SLC7A10: variants seen among roughly 807,000 people sequenced by gnomAD.
SLC7A10 encodes the protein solute carrier family 7 member 10.
SLC7A10 carries 30 observed loss-of-function variants against 52.7 expected under a neutral mutation model. That is an observed-to-expected ratio of 0.57 (90% CI 0.43 to 0.77). The LOEUF (loss-of-function observed/expected upper bound fraction) is 0.77. Ranked by LOEUF, SLC7A10 falls within the 30% of genes least tolerant of loss-of-function variation. The pLI, the probability that SLC7A10 is intolerant of heterozygous loss-of-function variation, is 0.00. For missense variants in SLC7A10, 581 were observed against 698.5 expected, an observed-to-expected ratio of 0.83 and a Z score of 1.90; for synonymous variants, 318 against 314.9, an observed-to-expected ratio of 1.01 and a Z score of -0.10.
chr19:33,219,481 C>T (rs1974768551), intron 1 of SLC7A10, among the ~76,000 whole-genome samples: 1 of 152,150 alleles, frequency 6.6e-6, no homozygotes, highest in African/African-American at 2.4e-5. Context: ...GGGGAGGGGG[C>T]AGGGAGGGCC....
intron 5 of SLC7A10, 89 bp from the exon 6 acceptor site, chr19:33,211,626 A>G (rs1450374083): frequency 6.2e-6 from 10 of 1,604,934 alleles, no homozygotes; most frequent in Non-Finnish European, 8.5e-6. Flanking sequence ...CATAGTCTCC[A>G]TCTCTTGTGT....
At chr19:33,209,696 C>G (rs1471096296) in intron 9 of SLC7A10, among the ~76,000 whole-genome samples, 1 of 121,210 alleles carries the variant, frequency 8.3e-6, no homozygotes, top group African/African-American at 3.1e-5. Context: ...GAGGATTTTT[C>G]AAAGTCTCAG....
At chr19:33,212,805 G>A (rs369246352) in intron 3 of SLC7A10, 46 bp downstream of exon 3, 569 of 1,609,094 alleles carry the variant, frequency 3.5e-4, no homozygotes, top group Non-Finnish European at 3.3e-4. Context: ...GATGGAGCCC[G>A]GGCAGGTGGC....
intron 1 of SLC7A10, 110 bp downstream of exon 1, chr19:33,225,443 T>C (rs1006720753): frequency 5.2e-6 from 7 of 1,344,862 alleles, no homozygotes; most frequent in Non-Finnish European, 7.2e-6. Context: ...GACTGCAGGT[T>C]CCCCAGGCAG....
intron 2 of SLC7A10, among the ~76,000 whole-genome samples, chr19:33,215,423 C>A (rs1974650270): frequency 6.6e-6 from 1 of 152,086 alleles, no homozygotes; most frequent in Admixed American, 6.5e-5. Context: ...CAGTAAGAAT[C>A]CCCCCTCCTT....
At chr19:33,216,099 A>G (rs916171027) in intron 1 of SLC7A10, 126 bp from the exon 2 acceptor site, 4 of 845,824 alleles carry the variant, frequency 4.7e-6, no homozygotes, top group Admixed American at 2.9e-5. Flanking sequence ...AGGAGGAGGC[A>G]GGAGGTGGGC....
At chr19:33,213,057 A>T in intron 2 of SLC7A10, 55 bp from the exon 3 acceptor site, 5 of 1,552,052 alleles carry the variant, frequency 3.2e-6, no homozygotes, top group Non-Finnish European at 4.4e-6. Context: ...TTCCCGGCCA[A>T]CCTGGCCCTG....
intron 5 of SLC7A10, 118 bp downstream of exon 5, chr19:33,212,174 G>A: frequency 7.0e-7 from 1 of 1,433,268 alleles, no homozygotes; most frequent in Non-Finnish European, 9.6e-7. Context: ...AGGGCAACAG[G>A]CGTGGGCCAC....
chr19:33,217,660 A>G (rs1003308412), intron 1 of SLC7A10, among the ~76,000 whole-genome samples: 1 of 152,182 alleles, frequency 6.6e-6, no homozygotes, highest in Non-Finnish European at 1.5e-5. Flanking sequence ...TCAGAGCGGG[A>G]GCCCGCCTCC....
chr19:33,211,071 T>C, intron 7 of SLC7A10, 154 bp downstream of exon 7: 1 of 966,716 alleles, frequency 1.0e-6, no homozygotes, highest in Non-Finnish European at 1.6e-6. Flanking sequence ...CTCCCAGTTG[T>C]GATCAGACAC....
intron 1 of SLC7A10, among the ~76,000 whole-genome samples, chr19:33,219,007 AG>A (rs1854753009): frequency 6.6e-6 from 1 of 151,904 alleles, no homozygotes; most frequent in Non-Finnish European, 1.5e-5. Flanking sequence ...GAACAGGATG[AG>A]GGGGCACGGG....
At position 33,210,678 on chromosome 19, in the gene SLC7A10, T is replaced by C; in HGVS notation, c.1114-62A>G. On this transcript the variant is annotated intron_variant, in intron 8 of 10. Transcript: ENST00000253188. The surrounding 1 kb of genome is among the most constrained non-coding windows in gnomAD (Gnocchi z 5.6). ...CCTGCCTCCTGACGCCCCTGCAGGA[T>C]GAGCCCTGGCCCCACCCCCAACCCC... The C allele has an allele frequency of 6.2e-7, 1 of 1,609,102 alleles. No homozygotes were observed. Among genetic ancestry groups the C allele is most frequent in the Non-Finnish European group, 8.5e-7 (1 of 1,179,120 alleles).
intron 5 of SLC7A10, chr19:33,211,861 C>G (rs1974561788): frequency 2.1e-6 from 1 of 483,868 alleles, no homozygotes. Flanking sequence ...GCCCCAGAGC[C>G]CAGTCCACAG....
intron 1 of SLC7A10, among the ~76,000 whole-genome samples, chr19:33,223,354 G>GA (rs1974855007): frequency 6.6e-6 from 1 of 151,710 alleles, no homozygotes; most frequent in Non-Finnish European, 1.5e-5. Context: ...GAAAGGAAAG[G>GA]AAGCAGGACG....
At chr19:33,215,631 C>CCCCCACACCCTCTCTCCATCCAG in intron 2 of SLC7A10, 138 bp downstream of exon 2, 1 of 444,188 alleles carries the variant, frequency 2.3e-6, no homozygotes, top group Non-Finnish European at 3.4e-6. Flanking sequence ...TCTCCATCCA[C>CCCCCACACCCTCTCTCCATCCAG]CCCCCACACC....
intron 1 of SLC7A10, among the ~76,000 whole-genome samples, chr19:33,218,688 T>TCTTTCTTTCTTTCTTTCTTTCTTTC (rs1568394290): frequency 4.7e-4 from 18 of 38,180 alleles, no homozygotes; most frequent in African/African-American, 9.7e-4. Context: ...TTTCTTTTTT[T>TCTTTCTTTCTTTCTTTCTTTCTTTC]TTTTTTTTTA....
Position 33,210,613 on chromosome 19 carries a change from C to A in SLC7A10, c.1117G>T (p.Gly373Trp). 6.2e-7 allele frequency: 1 copy of A among 1,611,464 alleles called. No homozygotes were observed. The highest frequency in any genetic ancestry group is 8.5e-7 in the Non-Finnish European group (1 of 1,179,930). Residue 373 changes from glycine (G) to tryptophan (W), a missense_variant, in exon 9 of 11, where the codon GGG becomes TGG. Gly to Trp is a radical substitution (Grantham distance 184). Transcript: ENST00000253188. The surrounding 1 kb of genome is among the most constrained non-coding windows in gnomAD (Gnocchi z 5.6). The stretch of plus-strand genomic sequence containing the variant: ...ACGAGCATGATGACGGCTGTGGCCC[C>A]GCACTGGGAGAGGACCTGGGGCTGA... ...TPIPALLVCC[G>W]ATAVIMLVGD...
Position 33,225,805 on chromosome 19 carries a change from A to G in SLC7A10, c.-102T>C. 1 of 1,269,228 alleles carries G rather than the reference A, an allele frequency of 7.9e-7. No individual in the cohort carries two copies. Among genetic ancestry groups the G allele is most frequent in the Non-Finnish European group, 1.0e-6 (1 of 998,150 alleles). 78.6% of individuals were successfully genotyped at this position (1,269,228 alleles called of 1,614,324 possible). ...TGAGCTCACGGCCCTCGCAGCCGGG[A>G]CAGCGCCCACAGGCGGGCGCATGCG... On this transcript the variant is annotated 5_prime_UTR_variant, in exon 1 of 11. Transcript: ENST00000253188.
In SLC7A10 at chr19:33,225,770, C is replaced by A; in HGVS notation, c.-67G>T. 1.4e-6 allele frequency: 2 copies of A among 1,436,860 alleles called. No homozygotes were observed. Among genetic ancestry groups the A allele is most frequent in the East Asian group, 6.1e-5 (2 of 32,552 alleles). The allele number at this position is 1,436,860 out of a possible 1,614,324, so 89.0% of individuals were successfully genotyped here. Reference sequence around the variant, plus strand: ...CTGTCCGGCCGGCCGCCCGTCGGTCCGTCGGTCCGTGAGCTCACGGCCCTC... The same window carrying A: ...CTGTCCGGCCGGCCGCCCGTCGGTCAGTCGGTCCGTGAGCTCACGGCCCTC... On this transcript the variant is annotated 5_prime_UTR_variant, in exon 1 of 11. An upstream open reading frame in the 5' UTR gains an earlier in-frame stop. Transcript: ENST00000253188.
Sources: gnomAD v4.1 joint callset for allele counts (sites outside exome capture counted in the v4.1 genomes callset) on GRCh38, gnomAD v4.1.1 for gene constraint, Gnocchi (gnomAD v3.1) non-coding constraint, MANE v1.5 for transcripts, NCBI Gene and HGNC (gene_info 2026-07-23, HGNC 2026-07-21) for gene names.